The following MYT1L variants were observed in gnomAD, a reference collection of about 807,000 sequenced individuals.
The protein encoded by MYT1L is myelin transcription factor 1-like protein.
Under a neutral mutation model 126.7 loss-of-function variants are expected in MYT1L, and 12 were observed. The ratio of observed to expected loss-of-function variants is 0.09; its 90% CI spans 0.06 to 0.15. The LOEUF (loss-of-function observed/expected upper bound fraction) is 0.15, where lower values mean the gene tolerates loss of function less well. MYT1L is among the 10% of genes least tolerant of loss of function. The probability of loss-of-function intolerance (pLI) is 1.00; values close to 1 mark genes in which losing one functional copy is unlikely to be tolerated. For synonymous variants in MYT1L, 541 were observed against 604.2 expected (o/e 0.90, Z 1.53); for missense variants, 979 against 1,585.2 (o/e 0.62, Z 6.49).
chr2:1,833,703 G>A (rs190294710), intron 21 of MYT1L, among the ~76,000 whole-genome samples: 75 of 152,324 alleles, frequency 4.9e-4, no homozygotes, highest in Admixed American at 2.0e-3. Context: ...CAGGAGCCGG[G>A]ATGGGGCCTT....
chr2:2,263,634 C>A (rs1434486244), intron 2 of MYT1L, among the ~76,000 whole-genome samples: 2 of 152,134 alleles, frequency 1.3e-5, no homozygotes, highest in African/African-American at 2.4e-5. Flanking sequence ...GCAGCTCACG[C>A]CCCAGGATCC....
Position 1,943,370 on chromosome 2 carries a change from GA to G in MYT1L, c.153-37del, listed in dbSNP as rs533396499. On this transcript the variant is annotated intron_variant, in intron 8 of 24. Coordinates refer to ENST00000647738, the MANE Select transcript of MYT1L (RefSeq NM_001303052.2). The surrounding 1 kb of genome is among the most constrained non-coding windows in gnomAD (Gnocchi z 4.4). ...AAATAGAGAAGGCAGGGGAGAGAGA[GA>G]AAAAAAATATCTGTGTTACTGTCTT... 1.0e-4 allele frequency: 151 copies of G among 1,488,290 alleles called. No homozygotes were observed. Among genetic ancestry groups the G allele is most frequent in the Middle Eastern group, 5.6e-4 (3 of 5,338 alleles). 92.2% of individuals were successfully genotyped at this position (1,488,290 alleles called of 1,614,324 possible).
At chr2:2,016,557 C>T (rs959019245) in intron 4 of MYT1L, among the ~76,000 whole-genome samples, 1 of 152,196 alleles carries the variant, frequency 6.6e-6, no homozygotes, top group Non-Finnish European at 1.5e-5. Context: ...ACCAGGAATC[C>T]AACACCCTTC....
Position 2,064,735 on chromosome 2 carries a change from CAG to C in MYT1L, c.-303-10614_-303-10613del, listed in dbSNP as rs567221772. Among the ~76,000 whole-genome samples the C allele has an allele frequency of 1.3e-4, 20 of 152,156 alleles. 1 individual carries two copies. The South Asian group carries it at 4.2e-3, about 32-fold the overall frequency. On this transcript the variant is annotated intron_variant, in intron 3 of 24. Transcript: ENST00000647738. The stretch of plus-strand genomic sequence containing the variant: ...CTAATAGAATTAATGTAGAAAAAGA[CAG>C]ATATTTCTATTTTAGTGAAATAAAA...
chr2:2,102,597 C>G (rs2078227878), intron 3 of MYT1L, among the ~76,000 whole-genome samples: 2 of 147,338 alleles, frequency 1.4e-5, no homozygotes, highest in Admixed American at 6.8e-5. Context: ...GGCAATGCCT[C>G]TTGGGAATGT....
chr2:1,894,032 G>T (rs868826033), intron 14 of MYT1L, among the ~76,000 whole-genome samples: 3 of 152,244 alleles, frequency 2.0e-5, no homozygotes, highest in Non-Finnish European at 4.4e-5. Flanking sequence ...CCAGATTCCT[G>T]TGCATGAGCC....
intron 9 of MYT1L, among the ~76,000 whole-genome samples, chr2:1,939,992 G>A (rs2056455789): frequency 6.6e-6 from 1 of 152,266 alleles, no homozygotes; most frequent in Non-Finnish European, 1.5e-5. Flanking sequence ...TGTCCCTCCA[G>A]AGAATCTGTG....
intron 12 of MYT1L, 74 bp downstream of exon 12, chr2:1,911,946 G>A (rs888546802): frequency 1.3e-5 from 15 of 1,192,524 alleles, no homozygotes; most frequent in Non-Finnish European, 1.6e-5. Flanking sequence ...GAGCGTGGTA[G>A]GCCCCCCAGG....
chr2:2,050,932 G>A (rs1037056767), intron 4 of MYT1L, among the ~76,000 whole-genome samples: 1 of 152,202 alleles, frequency 6.6e-6, no homozygotes, highest in Non-Finnish European at 1.5e-5. Flanking sequence ...AATTCAGAAA[G>A]TTGAATACAG....
At chr2:1,955,507 G>A (rs891539272) in intron 8 of MYT1L, among the ~76,000 whole-genome samples, 3 of 152,088 alleles carry the variant, frequency 2.0e-5, no homozygotes, top group African/African-American at 7.2e-5. Context: ...AGATCATTAA[G>A]CTTATTAAAT....
At chr2:1,840,229 T>C (rs112109931) in intron 20 of MYT1L, among the ~76,000 whole-genome samples, 142 of 152,316 alleles carry the variant, frequency 9.3e-4, no homozygotes, top group African/African-American at 3.2e-3. Flanking sequence ...TGTGTGGGTT[T>C]TTGGGGCCCA....
chr2:1,952,428 G>A (rs2057842092), intron 8 of MYT1L, among the ~76,000 whole-genome samples: 2 of 152,142 alleles, frequency 1.3e-5, no homozygotes, highest in African/African-American at 4.8e-5. Context: ...GTCAATGCAT[G>A]TGGACGCGCA....
intron 3 of MYT1L, among the ~76,000 whole-genome samples, chr2:2,102,604 A>ATGTGTGTG (rs3047992): frequency 1.1e-3 from 154 of 143,120 alleles, no homozygotes; most frequent in South Asian, 5.4e-3. Context: ...CCTCTTGGGA[A>ATGTGTGTG]TGTGTGTGTG....
intron 21 of MYT1L, among the ~76,000 whole-genome samples, chr2:1,814,652 C>G (rs1452382393): frequency 6.6e-6 from 1 of 152,198 alleles, no homozygotes; most frequent in Non-Finnish European, 1.5e-5. Flanking sequence ...GCTCCCCAGC[C>G]TCTTTCTCTT....
chr2:1,946,559 T>A (rs933453403), intron 8 of MYT1L, among the ~76,000 whole-genome samples: 1 of 152,080 alleles, frequency 6.6e-6, no homozygotes, highest in Admixed American at 6.5e-5. Context: ...GTCTGTAAGA[T>A]GAGGGCAGTT....
chr2:1,935,213 T>G lies in MYT1L; in HGVS notation c.505+7769A>C, dbSNP rs901937006. Among the ~76,000 whole-genome samples, 5 of 152,346 alleles carry G rather than the reference T, an allele frequency of 3.3e-5. No individual in the cohort carries two copies. The East Asian group carries it at 9.6e-4, about 29-fold the overall frequency. On this transcript the variant is annotated intron_variant, in intron 9 of 24. Transcript: ENST00000647738. ...CCCCTGTAAAGAACCATGCTTTGTA[T>G]TTTTTATATACACACCTCTTCCATA...
At chr2:2,001,035 G>A (rs188015426) in intron 4 of MYT1L, among the ~76,000 whole-genome samples, 110 of 152,218 alleles carry the variant, frequency 7.2e-4, no homozygotes, top group Non-Finnish European at 1.4e-3. Context: ...TGAGTTTGAT[G>A]TGTTTAGGTT....
At chr2:2,139,025 C>G (rs1223960610) in intron 3 of MYT1L, among the ~76,000 whole-genome samples, 2 of 151,786 alleles carry the variant, frequency 1.3e-5, no homozygotes, top group African/African-American at 4.8e-5. Context: ...TATGAAGGAG[C>G]TTGGATTCTA....
At chr2:2,131,346 G>A (rs920427917) in intron 3 of MYT1L, among the ~76,000 whole-genome samples, 1 of 152,142 alleles carries the variant, frequency 6.6e-6, no homozygotes, top group Non-Finnish European at 1.5e-5. Flanking sequence ...GCAAAATTAT[G>A]CTTGTGGCTC....
Sources: allele counts gnomAD v4.1 joint callset (sites outside exome capture counted in the v4.1 genomes callset), GRCh38; gene constraint gnomAD v4.1.1; non-coding constraint Gnocchi (gnomAD v3.1); transcripts MANE v1.5; gene names NCBI Gene and HGNC (gene_info 2026-07-23, HGNC 2026-07-21).